Variants in TLN1 observed in about 807,000 individuals in gnomAD.
TLN1 encodes the protein talin-1.
Under a neutral mutation model 292.3 loss-of-function variants are expected in TLN1, and 56 were observed. The ratio of observed to expected loss-of-function variants is 0.19; its 90% CI spans 0.15 to 0.24. TLN1 has a LOEUF of 0.24. TLN1 is among the 10% of genes least tolerant of loss of function. TLN1 has a pLI of 1.00. For synonymous variants in TLN1, 1,119 were observed against 1,253.7 expected, an observed-to-expected ratio of 0.89 and a Z score of 2.27; for missense variants, 2,433 against 3,248.2, an observed-to-expected ratio of 0.75 and a Z score of 6.10.
At position 35,706,838 on chromosome 9, in the gene TLN1, C is replaced by T. The variant is rs949013301; in HGVS notation, c.5018G>A (p.Arg1673Gln). The T allele has an allele frequency of 2.5e-6, 4 of 1,614,062 alleles. No homozygotes were observed. Among genetic ancestry groups the T allele is most frequent in the Non-Finnish European group, 1.7e-6 (2 of 1,180,016 alleles). The change falls in exon 38 of 57, where the codon CGG becomes CAG. Residue 1673 changes from arginine to glutamine, a missense_variant. Physicochemically the swap from Arg to Gln is conservative, Grantham distance 43 (BLOSUM62 1). Coordinates refer to ENST00000314888, the MANE Select transcript of TLN1 (RefSeq NM_006289.4). This position sits in a 1 kb window ranked among gnomAD's most constrained non-coding sequence, Gnocchi z 4.2. ...AGCGAGGGAAGCCTGGTCTAGGTCC[C>T]GTAGACAACTGTTCAGAGCTGCAAT... ...TAIAALNSCL[R>Q]DLDQASLAAV...
At chr9:35,711,421 T>C in intron 29 of TLN1, 27 bp from the exon 30 acceptor site, 1 of 1,614,150 alleles carries the variant, frequency 6.2e-7, no homozygotes, top group South Asian at 1.1e-5. Context: ...GGTCAATGCA[T>C]TGTCCTGTCC....
At chr9:35,701,145 G>A (rs1053650973) in intron 48 of TLN1, among the ~76,000 whole-genome samples, 1 of 152,178 alleles carries the variant, frequency 6.6e-6, no homozygotes, top group Non-Finnish European at 1.5e-5. Context: ...CTGAGTGGAA[G>A]AGCCTGCAGC....
In TLN1 at chr9:35,717,535, G is replaced by GA; in HGVS notation, c.2163+83dup. 1 of 1,576,650 alleles carries GA rather than the reference G, an allele frequency of 6.3e-7. No homozygotes were observed. Reference sequence around the variant, plus strand: ...ACTGGGATGGGTGAGGAGGCCTCCAGAGCCAAAGAAATAAAATGAAAGGCT... The same window carrying GA: ...ACTGGGATGGGTGAGGAGGCCTCCAGAAGCCAAAGAAATAAAATGAAAGGCT... On this transcript the variant is annotated intron_variant, in intron 18 of 56. Transcript: ENST00000314888. This position sits in a 1 kb window ranked among gnomAD's most constrained non-coding sequence, Gnocchi z 4.7.
At position 35,721,983 on chromosome 9, in the gene TLN1, G is replaced by A. The variant is rs993841660; in HGVS notation, c.948+136C>T. The A allele has an allele frequency of 2.4e-5, 28 of 1,147,850 alleles. No homozygotes were observed. The African/African-American group carries it at 3.9e-4, about 16-fold the overall frequency. 71.1% of individuals were successfully genotyped at this position (1,147,850 alleles called of 1,614,324 possible). Reference sequence around the variant, plus strand: ...GCTGATGACAGGCAGGTTTTCATGAGGTCAGAGCAAGGAAGAGAATGGGAA... The same window carrying A: ...GCTGATGACAGGCAGGTTTTCATGAAGTCAGAGCAAGGAAGAGAATGGGAA... On this transcript the variant is annotated intron_variant, in intron 9 of 56. Transcript: ENST00000314888.
At chr9:35,716,330 C>G (rs905124783) in intron 20 of TLN1, 60 bp downstream of exon 20, 2 of 1,589,990 alleles carry the variant, frequency 1.3e-6, no homozygotes, top group East Asian at 4.5e-5. Flanking sequence ...GGGTGACCAT[C>G]TGGACTGCTC....
At chr9:35,713,565 T>G (rs575515981) in intron 25 of TLN1, among the ~76,000 whole-genome samples, 2 of 152,052 alleles carry the variant, frequency 1.3e-5, no homozygotes, top group East Asian at 3.9e-4. Flanking sequence ...ATGCCTGTAA[T>G]CCCAGCTACT....
Position 35,724,366 on chromosome 9 carries a change from C to T in TLN1, c.512-32G>A. The T allele has an allele frequency of 1.9e-6, 3 of 1,612,990 alleles. No individual in the cohort carries two copies. Among genetic ancestry groups the T allele is most frequent in the Non-Finnish European group, 2.5e-6 (3 of 1,179,138 alleles). ...TACAGACAGTCCCCTCAGTGCCAAA[C>T]CCCCATGGCCCCTGTGCTGTCTGGT... On this transcript the variant is annotated intron_variant, in intron 5 of 56. Coordinates refer to ENST00000314888, the MANE Select transcript of TLN1 (RefSeq NM_006289.4). The surrounding 1 kb of genome is among the most constrained non-coding windows in gnomAD (Gnocchi z 4.7).
In TLN1 at chr9:35,713,251, G is replaced by C; in HGVS notation, c.3297C>G (p.Ser1099Arg). The C allele has an allele frequency of 2.5e-6, 4 of 1,600,204 alleles. No homozygotes were observed. Among genetic ancestry groups the C allele is most frequent in the South Asian group, 2.2e-5 (2 of 90,740 alleles). The change falls in exon 26 of 57, where the codon AGC (serine) becomes AGG (arginine). Residue 1099 changes from serine (S) to arginine (R), a missense_variant. Physicochemically the swap from Ser to Arg is moderately radical, Grantham distance 110. Around this residue, in one of 7 missense-constraint regions of TLN1, gnomAD observed 1,384 missense variants for 1,699.6 expected, o/e 0.81. Coordinates refer to ENST00000314888, the MANE Select transcript of TLN1 (RefSeq NM_006289.4). Reference protein sequence around the residue: ...QDLGNSTKAVSSAIAQLLGEV... With the variant: ...QDLGNSTKAVRSAIAQLLGEV... The stretch of plus-strand genomic sequence containing the variant: ...CTCCCAGTAGCTGGGCGATGGCTGA[G>C]CTCACGGCTTTGGTGCTGTTGCCCA...
Position 35,699,328 on chromosome 9 carries a change from T to G in TLN1, c.6874+28A>C, listed in dbSNP as rs1825423708. 1.3e-6 allele frequency: 2 copies of G among 1,594,882 alleles called. No individual in the cohort carries two copies. Among genetic ancestry groups the G allele is most frequent in the Non-Finnish European group, 1.7e-6 (2 of 1,169,932 alleles). ...ATCACACCATGATAAGGGTTTTCCA[T>G]CCGTCCCTGTCCCTGGTCACCCCTC... On this transcript the variant is annotated intron_variant, in intron 51 of 56. Transcript: ENST00000314888. This position sits in a 1 kb window ranked among gnomAD's most constrained non-coding sequence, Gnocchi z 4.0.
intron 20 of TLN1, among the ~76,000 whole-genome samples, chr9:35,715,737 A>C (rs1035348234): frequency 6.6e-6 from 1 of 152,204 alleles, no homozygotes; most frequent in African/African-American, 2.4e-5. Context: ...AGAAGGTAAA[A>C]ATAGGCCTTG....
Position 35,720,112 on chromosome 9 carries a change from T to C in TLN1, c.1391A>G (p.Gln464Arg), listed in dbSNP as rs764131285. The C allele has an allele frequency of 1.2e-5, 20 of 1,612,082 alleles. No individual in the cohort carries two copies. The highest frequency in any genetic ancestry group is 1.7e-5 in the Non-Finnish European group (20 of 1,179,164). Reference protein sequence around the residue: ...RSGASGPENFQVGSMPPAQQQ... With the variant: ...RSGASGPENFRVGSMPPAQQQ... ...CTGGGCAGGGGGCATGCTGCCCACCTGGAAATTCTCAGGACCAGAGGCTCC... is the reference window on the plus strand; with the variant it reads ...CTGGGCAGGGGGCATGCTGCCCACCCGGAAATTCTCAGGACCAGAGGCTCC... The change falls in exon 13 of 57, where the codon CAG (glutamine) becomes CGG (arginine). Residue 464 changes from glutamine to arginine, a missense_variant. Physicochemically the swap from Gln to Arg is conservative, Grantham distance 43. Around this residue, in one of 7 missense-constraint regions of TLN1, gnomAD observed 617 missense variants for 770.6 expected, o/e 0.80. Transcript: ENST00000314888.
Position 35,706,394 on chromosome 9 carries a change from A to G in TLN1, c.5191-28T>C. ...GAGGCAAGGGGTTGGACTAGGGGTCAGGTCCCCTCTCTCTCACCCTACTCC... is the reference window on the plus strand; with the variant it reads ...GAGGCAAGGGGTTGGACTAGGGGTCGGGTCCCCTCTCTCTCACCCTACTCC... On this transcript the variant is annotated intron_variant, in intron 39 of 56. Coordinates refer to ENST00000314888, the MANE Select transcript of TLN1 (RefSeq NM_006289.4). The surrounding 1 kb of genome is among the most constrained non-coding windows in gnomAD (Gnocchi z 4.2). 6.2e-7 allele frequency: 1 copy of G among 1,612,470 alleles called. No homozygotes were observed. Among genetic ancestry groups the G allele is most frequent in the East Asian group, 2.2e-5 (1 of 44,858 alleles).
In TLN1 at chr9:35,723,957, G is replaced by A. The variant is rs755633555; in HGVS notation, c.777C>T (p.Phe259=). ...ATAGGATGTGGGTCACTCACTCAAG[G>A]AAGCCAGCCTTGTGCTTCTGCTCAT... The part of the protein sequence containing the change: ...PHNEQKHKAG[F]LDLKDFLPKE... The change falls in exon 7 of 57, where the codon TTC becomes TTT. Residue 259 remains phenylalanine (F), a synonymous_variant. Coordinates refer to ENST00000314888, the MANE Select transcript of TLN1 (RefSeq NM_006289.4). 2 of 1,614,114 alleles carry A rather than the reference G, an allele frequency of 1.2e-6. No individual in the cohort carries two copies. The highest frequency in any genetic ancestry group is 2.2e-5 in the South Asian group (2 of 91,066).
chr9:35,719,686 T>C lies in TLN1; in HGVS notation c.1578+54A>G. On this transcript the variant is annotated intron_variant, in intron 14 of 56. Transcript: ENST00000314888. This position sits in a 1 kb window ranked among gnomAD's most constrained non-coding sequence, Gnocchi z 4.6. ...CCTGGTTTGGTTCACCTCATCCCTATCCCTTGGAGTCTCAGCTTCAGTACC... is the reference window on the plus strand; with the variant it reads ...CCTGGTTTGGTTCACCTCATCCCTACCCCTTGGAGTCTCAGCTTCAGTACC... The C allele has an allele frequency of 2.5e-6, 4 of 1,611,684 alleles. No homozygotes were observed. Among genetic ancestry groups the C allele is most frequent in the Non-Finnish European group, 3.4e-6 (4 of 1,177,914 alleles).
rs1192780746 is a variant in TLN1, at chr9:35,724,835, C to T, written c.353G>A (p.Arg118His). ...VTDMLMTICA[R>H]IGITNHDEYS... ...ACTGTACTAGGGCCCCTTACCAATG[C>T]GGGCACAGATGGTCATGAGCATGTC... is the stretch of plus-strand genomic sequence containing the variant. Residue 118 changes from arginine to histidine, a missense_variant, in exon 4 of 57, where the codon CGC becomes CAC. Physicochemically the swap from Arg to His is conservative, Grantham distance 29 (BLOSUM62 0). Around this residue, in one of 7 missense-constraint regions of TLN1, gnomAD observed 155 missense variants for 287.9 expected, o/e 0.54. Transcript: ENST00000314888. The surrounding 1 kb of genome is among the most constrained non-coding windows in gnomAD (Gnocchi z 4.7). 7.4e-6 allele frequency: 12 copies of T among 1,614,024 alleles called. No homozygotes were observed. The highest frequency in any genetic ancestry group is 1.3e-5 in the African/African-American group (1 of 74,886).
chr9:35,723,887 C>G, intron 7 of TLN1, 65 bp downstream of exon 7: 1 of 1,596,784 alleles, frequency 6.3e-7, no homozygotes, highest in South Asian at 1.1e-5. Flanking sequence ...TGGAGACAGG[C>G]CCACTGGGGT....
intron 33 of TLN1, among the ~76,000 whole-genome samples, chr9:35,709,716 G>A (rs1488151230): frequency 2.0e-5 from 3 of 149,562 alleles, no homozygotes; most frequent in South Asian, 4.3e-4. Context: ...GTGAAACCCC[G>A]TCTCTACTAA....
chr9:35,731,907 C>T (rs1314450551), intron 1 of TLN1, among the ~76,000 whole-genome samples, 168 bp downstream of exon 1: 1 of 152,150 alleles, frequency 6.6e-6, no homozygotes, highest in Non-Finnish European at 1.5e-5. Flanking sequence ...GCCTGTCTTC[C>T]CCAAGACGGC....
Position 35,719,954 on chromosome 9 carries a change from T to A in TLN1, c.1464+85A>T, listed in dbSNP as rs779558825. The A allele has an allele frequency of 3.1e-5, 49 of 1,589,114 alleles. No individual in the cohort carries two copies. The highest frequency in any genetic ancestry group is 4.0e-5 in the Non-Finnish European group (47 of 1,163,854). The stretch of plus-strand genomic sequence containing the variant: ...TAGGGAGAGAATACAAATAGGGACC[T>A]GGGAAAAGACTGCCTAACTCCTGGC... On this transcript the variant is annotated intron_variant, in intron 13 of 56. Transcript: ENST00000314888. The surrounding 1 kb of genome is among the most constrained non-coding windows in gnomAD (Gnocchi z 4.6).
Sources: allele counts gnomAD v4.1 joint callset (sites outside exome capture counted in the v4.1 genomes callset), GRCh38; gene constraint gnomAD v4.1.1; regional missense constraint gnomAD v4.1.1; non-coding constraint Gnocchi (gnomAD v3.1); transcripts MANE v1.5; gene names NCBI Gene and HGNC (gene_info 2026-07-23, HGNC 2026-07-21).